JHY: variants seen among roughly 807,000 people sequenced by gnomAD.
The protein encoded by JHY is junctional cadherin complex regulator, also known as jhy protein homolog.
Under a neutral mutation model 78.0 loss-of-function variants are expected in JHY, and 69 were observed. The ratio of observed to expected loss-of-function variants is 0.88; its 90% CI spans 0.73 to 1.08. The LOEUF is 1.08. Among genes scored for constraint, JHY ranks in the 50% least tolerant of loss-of-function variants. The pLI is 0.00. For missense variants in JHY, 944 were observed against 927.8 expected, an observed-to-expected ratio of 1.02 and a Z score of -0.23; for synonymous variants, 368 against 342.6, an observed-to-expected ratio of 1.07 and a Z score of -0.82.
At chr11:122,948,064 G>A (rs532661624) in intron 6 of JHY, among the ~76,000 whole-genome samples, 2 of 152,286 alleles carry the variant, frequency 1.3e-5, no homozygotes, top group African/African-American at 4.8e-5. Context: ...GGAGAAATGA[G>A]TGCCTCAGTA....
intron 3 of JHY, among the ~76,000 whole-genome samples, chr11:122,910,173 G>A (rs1045275209): frequency 6.6e-6 from 1 of 152,048 alleles, no homozygotes; most frequent in African/African-American, 2.4e-5. Context: ...TCAAGGTGCA[G>A]TATGTTAAAA....
rs762484898 is a variant in JHY at position 122,925,034 on chromosome 11, AGT to A, written c.978+29_978+30del. ...AGGTTACCTGCTAGATTGCATTTTAAGTGTGTTTCAAGCGATACTGCTGAATA... is the reference window on the plus strand; with the variant it reads ...AGGTTACCTGCTAGATTGCATTTTAAGTGTTTCAAGCGATACTGCTGAATA... On this transcript the variant is annotated intron_variant, in intron 4 of 8. Transcript: ENST00000227349. The A allele has an allele frequency of 7.1e-6, 11 of 1,545,100 alleles. No homozygotes were observed. In the Admixed American group the frequency reaches 1.8e-4, roughly 26 times the overall value.
At chr11:122,891,309 T>G (rs948719378) in intron 2 of JHY, among the ~76,000 whole-genome samples, 18 of 152,232 alleles carry the variant, frequency 1.2e-4, no homozygotes, top group African/African-American at 4.3e-4. Context: ...AAAGCAATTA[T>G]TCCCTTGTAT....
intron 6 of JHY, among the ~76,000 whole-genome samples, chr11:122,955,245 C>T (rs1014254296): frequency 6.6e-6 from 1 of 152,064 alleles, no homozygotes; most frequent in East Asian, 1.9e-4. Flanking sequence ...CTCAGCCCCC[C>T]GAGTAGCTGG....
chr11:122,954,935 T>G (rs1390550543), intron 6 of JHY, among the ~76,000 whole-genome samples: 1 of 152,216 alleles, frequency 6.6e-6, no homozygotes, highest in African/African-American at 2.4e-5. Context: ...ATGTGGCTGA[T>G]TTTTCTCCAT....
intron 4 of JHY, chr11:122,927,192 TAATC>T (rs922309380): frequency 1.3e-5 from 2 of 152,208 alleles, no homozygotes; most frequent in Admixed American, 6.5e-5. Flanking sequence ...AAAATGATAA[TAATC>T]AAGGTAAAAT....
chr11:122,959,122 A>T (rs1163042497), intron 8 of JHY, 126 bp from the exon 9 acceptor site: 1 of 1,383,702 alleles, frequency 7.2e-7, no homozygotes, highest in African/African-American at 1.5e-5. Context: ...CTCCATTTCC[A>T]CCAATGTCTT....
chr11:122,919,728 C>T (rs2135332955), intron 3 of JHY, among the ~76,000 whole-genome samples: 1 of 152,282 alleles, frequency 6.6e-6, no homozygotes, highest in Admixed American at 6.5e-5. Flanking sequence ...CCTGTAATCC[C>T]AGCACTTTGG....
At position 122,946,443 on chromosome 11, in the gene JHY, G is replaced by A. The variant is rs190523840; in HGVS notation, c.1635-55G>A. 6.1e-5 allele frequency: 92 copies of A among 1,505,306 alleles called. No individual in the cohort carries two copies. The East Asian group carries it at 1.0e-3, about 17-fold the overall frequency. 93.2% of individuals were successfully genotyped at this position (1,505,306 alleles called of 1,614,324 possible). A position where few individuals can be genotyped will look rare whatever the true frequency, so the allele number is the denominator to read the frequency against. On this transcript the variant is annotated intron_variant, in intron 5 of 8. Coordinates refer to ENST00000227349, the MANE Select transcript of JHY (RefSeq NM_024806.4). ...GTTCATAAAGACTTTTATGCTAGAT[G>A]TCTTATGTATTTGGATTTTATTAAT...
intron 3 of JHY, among the ~76,000 whole-genome samples, chr11:122,907,551 AG>A (rs1863021039): frequency 6.6e-6 from 1 of 152,178 alleles, no homozygotes; most frequent in African/African-American, 2.4e-5. Context: ...AATTTTTAAA[AG>A]TGATTTTTTT....
chr11:122,904,279 T>C lies in JHY; in HGVS notation c.699T>C (p.Ser233=), dbSNP rs149654907. 4.1e-4 allele frequency: 664 copies of C among 1,614,140 alleles called. 4 individuals are homozygous for C. In the African/African-American group the frequency reaches 8.3e-3, roughly 20 times the overall value. Residue 233 remains serine (S), a synonymous_variant, in exon 3 of 9, where the codon AGT becomes AGC. Transcript: ENST00000227349. ...SSLSPYVKSS[S]SHNEVFLPGS... is the part of the protein sequence containing the mutation. ...TTTCTCCGTACGTGAAGAGCTCAAGTTCACATAACGAGGTTTTCCTGCCGG... is the reference window on the plus strand; with the variant it reads ...TTTCTCCGTACGTGAAGAGCTCAAGCTCACATAACGAGGTTTTCCTGCCGG...
intron 4 of JHY, among the ~76,000 whole-genome samples, chr11:122,929,107 A>G (rs1863580862): frequency 6.6e-6 from 1 of 151,008 alleles, no homozygotes; most frequent in Non-Finnish European, 1.5e-5. Flanking sequence ...TTGTATTTTC[A>G]GTAGAGATGG....
rs536755010 is a variant in JHY, at chr11:122,934,903, C to G, written c.1462C>G (p.Leu488Val). Reference sequence around the variant, plus strand: ...ATTTTCATATCAGCAGCTACACACCCTTTCTGACATGGATTTGAACAACCT... The same window carrying G: ...ATTTTCATATCAGCAGCTACACACCGTTTCTGACATGGATTTGAACAACCT... The part of the protein sequence containing the change: ...KRFSYQQLHT[L>V]SDMDLNNLNE... Residue 488 changes from leucine to valine, a missense_variant, in exon 5 of 9, where the codon CTT becomes GTT. Coordinates refer to ENST00000227349, the MANE Select transcript of JHY (RefSeq NM_024806.4). 2.5e-6 allele frequency: 4 copies of G among 1,614,168 alleles called. No homozygotes were observed. The South Asian group carries it at 4.4e-5, about 18-fold the overall frequency.
At chr11:122,933,965 G>A (rs765438512) in intron 4 of JHY, among the ~76,000 whole-genome samples, 3 of 152,078 alleles carry the variant, frequency 2.0e-5, no homozygotes, top group Non-Finnish European at 4.4e-5. Flanking sequence ...TTAAGTCAAA[G>A]ACTTAACTTT....
intron 7 of JHY, among the ~76,000 whole-genome samples, 190 bp downstream of exon 7, chr11:122,956,766 C>T (rs566419386): frequency 2.0e-4 from 30 of 152,050 alleles, no homozygotes; most frequent in Non-Finnish European, 3.4e-4. Flanking sequence ...AATATTTAGC[C>T]CGTGTTGTTT....
In JHY at chr11:122,924,979, A is replaced by T. The variant is rs1279370731; in HGVS notation, c.947A>T (p.Asp316Val). 6.2e-7 allele frequency: 1 copy of T among 1,614,124 alleles called. No homozygotes were observed. Residue 316 changes from aspartate (D) to valine (V), a missense_variant, in exon 4 of 9, where the codon GAT becomes GTT. Coordinates refer to ENST00000227349, the MANE Select transcript of JHY (RefSeq NM_024806.4). ...EMENAAIDPE[D>V]KWHQRAQQLK... ...GAAAATGCTGCCATCGATCCTGAAGATAAATGGCATCAAAGAGCACAACAG... is the reference window on the plus strand; with the variant it reads ...GAAAATGCTGCCATCGATCCTGAAGTTAAATGGCATCAAAGAGCACAACAG...
chr11:122,962,825 G>A lies in JHY; in HGVS notation c.*3380G>A, dbSNP rs909082560. ...GGTGAAGAGAAAGGTTACATGACTC[G>A]GAAGTCCATCAGTCCTACTGAGAGT... On this transcript the variant is annotated 3_prime_UTR_variant, in exon 9 of 9. Coordinates refer to ENST00000227349, the MANE Select transcript of JHY (RefSeq NM_024806.4). 1.5e-4 allele frequency among the ~76,000 whole-genome samples: 23 copies of A among 152,250 alleles called. No individual in the cohort carries two copies. The highest frequency in any genetic ancestry group is 3.4e-3 in the Middle Eastern group (1 of 294).
chr11:122,956,914 A>G (rs1186779025), intron 7 of JHY, among the ~76,000 whole-genome samples: 1 of 152,194 alleles, frequency 6.6e-6, no homozygotes, highest in Non-Finnish European at 1.5e-5. Context: ...GAGTGGCCAC[A>G]GAGAAGACAC....
At chr11:122,904,507 A>G (rs1862944581) in intron 3 of JHY, 63 bp downstream of exon 3, 4 of 1,537,130 alleles carry the variant, frequency 2.6e-6, no homozygotes, top group Admixed American at 3.8e-5. Flanking sequence ...GTTTGTTTGC[A>G]GTGTCTAGAT....
Sources: allele counts gnomAD v4.1 joint callset (sites outside exome capture counted in the v4.1 genomes callset), GRCh38; gene constraint gnomAD v4.1.1; transcripts MANE v1.5; gene names NCBI Gene and HGNC (gene_info 2026-07-23, HGNC 2026-07-21).